The following MOB3B variants were observed in gnomAD, a reference collection of about 807,000 sequenced individuals.
MOB3B encodes MOB kinase activator 3B.
Under a neutral mutation model 18.7 loss-of-function variants are expected in MOB3B, and 7 were observed. The observed-to-expected ratio is 0.37, with a 90% CI of 0.21 to 0.70. The LOEUF (loss-of-function observed/expected upper bound fraction) is 0.70, where lower values mean the gene tolerates loss of function less well. Among genes scored for constraint, MOB3B ranks in the 30% least tolerant of loss-of-function variants. The pLI is 0.52. For synonymous variants in MOB3B, 111 were observed against 99.9 expected, an observed-to-expected ratio of 1.11 and a Z score of -0.66; for missense variants, 253 against 281.3, an observed-to-expected ratio of 0.90 and a Z score of 0.72.
intron 1 of MOB3B, among the ~76,000 whole-genome samples, chr9:27,472,642 G>T (rs902810176): frequency 8.3e-6 from 1 of 121,100 alleles, no homozygotes; most frequent in African/African-American, 3.2e-5. Context: ...TCTGGTAAAA[G>T]CTCCCACTCT....
Position 27,518,674 on chromosome 9 carries a change from AT to A in MOB3B, c.-199+10880del, listed in dbSNP as rs1820276911. ...CAGTTGGGCTGGAAAAGACAACTGG[AT>A]ATTAGTTTGTCCAAAGAGCCCCTCT... On this transcript the variant is annotated intron_variant, in intron 1 of 3. Transcript: ENST00000262244. 2.0e-5 allele frequency among the ~76,000 whole-genome samples: 3 copies of A among 152,316 alleles called. No homozygotes were observed. In the East Asian group the frequency reaches 5.8e-4, roughly 29 times the overall value.
At chr9:27,529,494 C>G (rs1262604702) in intron 1 of MOB3B, 61 bp downstream of exon 1, 1 of 960,628 alleles carries the variant, frequency 1.0e-6, no homozygotes. Flanking sequence ...CGGGCGAGAT[C>G]GGGAGCGAGC....
At chr9:27,356,813 C>T (rs934591168) in intron 3 of MOB3B, among the ~76,000 whole-genome samples, 2 of 152,064 alleles carry the variant, frequency 1.3e-5, no homozygotes, top group African/African-American at 2.4e-5. Flanking sequence ...CTGTCCTTGA[C>T]ATTTTCTGAA....
chr9:27,442,789 C>G (rs920569981), intron 2 of MOB3B, among the ~76,000 whole-genome samples: 5 of 152,190 alleles, frequency 3.3e-5, no homozygotes, highest in Admixed American at 1.3e-4. Context: ...TGCTAGTTCT[C>G]CACGTTAGCT....
At chr9:27,505,456 C>T (rs1392835415) in intron 1 of MOB3B, among the ~76,000 whole-genome samples, 1 of 152,216 alleles carries the variant, frequency 6.6e-6, no homozygotes, top group Non-Finnish European at 1.5e-5. Context: ...TTCTTGGACA[C>T]TCACAATTCA....
chr9:27,470,472 G>A lies in MOB3B; in HGVS notation c.-198-14724C>T, dbSNP rs183677441. 7.2e-3 allele frequency among the ~76,000 whole-genome samples: 1,095 copies of A among 151,614 alleles called. 9 individuals are homozygous for A. The highest frequency in any genetic ancestry group is 0.024 in the African/African-American group (1,002 of 41,448). ...GCCCCTGCCCTTTCTTTTGCCTTCC[G>A]CCTGCCATAATCCTCCAGCCTCCAG... On this transcript the variant is annotated intron_variant, in intron 1 of 3. Coordinates refer to ENST00000262244, the MANE Select transcript of MOB3B (RefSeq NM_024761.5).
intron 1 of MOB3B, among the ~76,000 whole-genome samples, chr9:27,456,062 G>A (rs144340599): frequency 2.0e-5 from 3 of 152,276 alleles, no homozygotes; most frequent in African/African-American, 7.2e-5. Flanking sequence ...TCAATGGCCT[G>A]ATCCTATCCC....
rs1820738968 is a variant in MOB3B, at chr9:27,328,225, A to G, written c.*2362T>C. On this transcript the variant is annotated 3_prime_UTR_variant, in exon 4 of 4. Transcript: ENST00000262244. Reference sequence around the variant, plus strand: ...AAAAAGAAGGAGAGTAGGACAGGTTAGGAAGAAGAAGGAGGGTTGTCAGTC... The same window carrying G: ...AAAAAGAAGGAGAGTAGGACAGGTTGGGAAGAAGAAGGAGGGTTGTCAGTC... 1 of 152,210 alleles carries G rather than the reference A, an allele frequency of 6.6e-6. No homozygotes were observed. Among genetic ancestry groups the G allele is most frequent in the Non-Finnish European group, 1.5e-5 (1 of 68,036 alleles). 9.4% of individuals were successfully genotyped at this position (152,210 alleles called of 1,614,324 possible).
intron 1 of MOB3B, among the ~76,000 whole-genome samples, chr9:27,510,591 T>A (rs1345783281): frequency 6.6e-6 from 1 of 152,246 alleles, no homozygotes; most frequent in Non-Finnish European, 1.5e-5. Flanking sequence ...TTTCATATAC[T>A]AACATATGCT....
At chr9:27,381,608 T>C (rs1821578360) in intron 2 of MOB3B, among the ~76,000 whole-genome samples, 1 of 152,134 alleles carries the variant, frequency 6.6e-6, no homozygotes, top group African/African-American at 2.4e-5. Flanking sequence ...CCTGATTTTG[T>C]GATGGAATTA....
intron 1 of MOB3B, among the ~76,000 whole-genome samples, chr9:27,525,516 T>A (rs1278191341): frequency 6.6e-6 from 1 of 152,200 alleles, no homozygotes; most frequent in East Asian, 1.9e-4. Context: ...AATTGATGCT[T>A]GTGGAATAGT....
At chr9:27,340,889 C>T (rs1587140904) in intron 3 of MOB3B, among the ~76,000 whole-genome samples, 1 of 152,228 alleles carries the variant, frequency 6.6e-6, no homozygotes, top group Non-Finnish European at 1.5e-5. Flanking sequence ...CTTCTCATAC[C>T]CAGCATTTGT....
intron 1 of MOB3B, among the ~76,000 whole-genome samples, chr9:27,502,886 G>A (rs938829365): frequency 2.6e-5 from 4 of 152,206 alleles, no homozygotes; most frequent in African/African-American, 9.6e-5. Flanking sequence ...GTTAAGATCA[G>A]CAATTCTAAA....
At chr9:27,450,511 T>C (rs911264104) in intron 2 of MOB3B, among the ~76,000 whole-genome samples, 1 of 151,700 alleles carries the variant, frequency 6.6e-6, no homozygotes, top group African/African-American at 2.4e-5. Flanking sequence ...GAAATAATAA[T>C]AATCAAAAAA....
chr9:27,351,480 C>A (rs1281342788), intron 3 of MOB3B, among the ~76,000 whole-genome samples: 1 of 152,226 alleles, frequency 6.6e-6, no homozygotes, highest in Non-Finnish European at 1.5e-5. Context: ...ATTGTAAAGG[C>A]CAAACTGTCA....
intron 2 of MOB3B, among the ~76,000 whole-genome samples, chr9:27,364,069 C>A (rs988920295): frequency 7.2e-5 from 11 of 152,204 alleles, no homozygotes; most frequent in African/African-American, 2.7e-4. Flanking sequence ...ATGACCTGCA[C>A]TTAGCTTGCT....
At chr9:27,415,744 T>C (rs1822136105) in intron 2 of MOB3B, among the ~76,000 whole-genome samples, 1 of 152,188 alleles carries the variant, frequency 6.6e-6, no homozygotes, top group Non-Finnish European at 1.5e-5. Context: ...GATTTGGCTT[T>C]AGATCTAAAA....
intron 2 of MOB3B, among the ~76,000 whole-genome samples, chr9:27,389,349 C>T (rs760630279): frequency 8.2e-5 from 12 of 146,164 alleles, no homozygotes; most frequent in African/African-American, 2.3e-4. Flanking sequence ...TATCTCCCTG[C>T]GACCCCACCG....
chr9:27,473,728 C>T (rs1295596819), intron 1 of MOB3B, among the ~76,000 whole-genome samples: 1 of 152,066 alleles, frequency 6.6e-6, no homozygotes, highest in Admixed American at 6.6e-5. Context: ...ACACACCCCA[C>T]CTTGCTCACA....
Sources: allele counts gnomAD v4.1 joint callset (sites outside exome capture counted in the v4.1 genomes callset), GRCh38; gene constraint gnomAD v4.1.1; transcripts MANE v1.5; gene names NCBI Gene and HGNC (gene_info 2026-07-23, HGNC 2026-07-21).